The following CNTNAP2 variants were observed in gnomAD, a reference collection of about 807,000 sequenced individuals.
CNTNAP2 encodes the protein contactin associated protein 2.
A neutral mutation model predicts 155.2 loss-of-function variants in CNTNAP2; 98 were observed. The ratio of observed to expected loss-of-function variants is 0.63; its 90% CI spans 0.54 to 0.75. CNTNAP2 has a LOEUF of 0.75. Among genes scored for constraint, CNTNAP2 ranks in the 30% least tolerant of loss-of-function variants. CNTNAP2 has a pLI of 0.00. For synonymous variants in CNTNAP2, 651 were observed against 631.2 expected (o/e 1.03, Z -0.47); for missense variants, 1,727 against 1,688.1 (o/e 1.02, Z -0.40).
At chr7:148,200,254 A>G (rs561233947) in intron 18 of CNTNAP2, among the ~76,000 whole-genome samples, 4 of 152,392 alleles carry the variant, frequency 2.6e-5, no homozygotes, top group Non-Finnish European at 5.9e-5. Flanking sequence ...TAATTTTTAC[A>G]TAGATTACAT....
intron 1 of CNTNAP2, among the ~76,000 whole-genome samples, chr7:146,423,254 T>A (rs2129114625): frequency 6.6e-6 from 1 of 152,262 alleles, no homozygotes; most frequent in African/African-American, 2.4e-5. Context: ...TTTTAAGTAT[T>A]TAGTGTGTAT....
At chr7:148,016,269 G>A (rs537102805) in intron 15 of CNTNAP2, among the ~76,000 whole-genome samples, 24 of 152,314 alleles carry the variant, frequency 1.6e-4, no homozygotes, top group African/African-American at 4.1e-4. Context: ...TCTGCATGGC[G>A]GTAGAGCTGA....
intron 13 of CNTNAP2, among the ~76,000 whole-genome samples, chr7:147,709,581 A>C (rs1796372698): frequency 6.6e-6 from 1 of 152,176 alleles, no homozygotes; most frequent in Non-Finnish European, 1.5e-5. Context: ...AAGAAAGGAC[A>C]CCTCATCTAA....
At chr7:148,043,687 C>A (rs1802718027) in intron 15 of CNTNAP2, among the ~76,000 whole-genome samples, 1 of 152,238 alleles carries the variant, frequency 6.6e-6, no homozygotes, top group Non-Finnish European at 1.5e-5. Flanking sequence ...ACCTGACCTG[C>A]ACCAAATGTG....
At chr7:146,315,019 G>C (rs1239692661) in intron 1 of CNTNAP2, among the ~76,000 whole-genome samples, 1 of 152,190 alleles carries the variant, frequency 6.6e-6, no homozygotes, top group Non-Finnish European at 1.5e-5. Context: ...GCTGGGATTA[G>C]CACTGGAGAA....
chr7:147,317,945 C>T (rs1282882635), intron 9 of CNTNAP2, among the ~76,000 whole-genome samples: 4 of 151,930 alleles, frequency 2.6e-5, no homozygotes, highest in Admixed American at 2.6e-4. Context: ...TGTACCCACC[C>T]ATTCCTCACT....
intron 1 of CNTNAP2, among the ~76,000 whole-genome samples, chr7:146,690,353 A>G (rs1393435710): frequency 6.6e-6 from 1 of 152,130 alleles, no homozygotes; most frequent in Non-Finnish European, 1.5e-5. Flanking sequence ...CTGCACATGT[A>G]TAATTTGTAT....
intron 21 of CNTNAP2, among the ~76,000 whole-genome samples, chr7:148,343,532 T>C (rs150831236): frequency 2.0e-5 from 3 of 152,356 alleles, no homozygotes; most frequent in African/African-American, 2.4e-5. Context: ...AATTAATTAA[T>C]TGCAGAAATG....
chr7:147,751,396 T>TAAG, intron 13 of CNTNAP2, among the ~76,000 whole-genome samples: 1 of 144,586 alleles, frequency 6.9e-6, no homozygotes, highest in Middle Eastern at 3.5e-3. Flanking sequence ...TGAATTTAGT[T>TAAG]AAAAAAAAAA....
At chr7:148,147,437 A>G (rs1805206546) in intron 16 of CNTNAP2, 54 bp from the exon 17 acceptor site, 4 of 1,536,194 alleles carry the variant, frequency 2.6e-6, no homozygotes, top group South Asian at 2.2e-5. Context: ...ATTTACTGCT[A>G]TTTGGTATCT....
At chr7:147,857,510 G>A (rs549503571) in intron 13 of CNTNAP2, among the ~76,000 whole-genome samples, 1 of 152,118 alleles carries the variant, frequency 6.6e-6, no homozygotes, top group African/African-American at 2.4e-5. Flanking sequence ...CACTAATCAG[G>A]TTCATCATCA....
intron 14 of CNTNAP2, among the ~76,000 whole-genome samples, chr7:147,966,435 G>A (rs570280917): frequency 6.6e-6 from 1 of 152,220 alleles, no homozygotes; most frequent in East Asian, 1.9e-4. Flanking sequence ...GGAATGTACA[G>A]AAAGTAAATT....
chr7:147,474,748 TA>T, intron 10 of CNTNAP2, among the ~76,000 whole-genome samples: 1 of 152,148 alleles, frequency 6.6e-6, no homozygotes, highest in Non-Finnish European at 1.5e-5. Flanking sequence ...GGAAAATGCA[TA>T]ACCTGACCTA....
rs1193159936 is a variant in CNTNAP2 at position 146,811,343 on chromosome 7, T to A, written c.209-28368T>A. On this transcript the variant is annotated intron_variant, in intron 2 of 23. Coordinates refer to ENST00000361727, the MANE Select transcript of CNTNAP2 (RefSeq NM_014141.6). ...TTGTTATTGATCTCAAATAGCCTAT[T>A]TCTTTATGATTCAATCTTGGTATAT... Among the ~76,000 whole-genome samples, 2 of 152,188 alleles carry A rather than the reference T, an allele frequency of 1.3e-5. 1 individual carries two copies. The highest frequency in any genetic ancestry group is 2.9e-5 in the Non-Finnish European group (2 of 68,014).
At chr7:148,092,023 A>G (rs1803852283) in intron 15 of CNTNAP2, among the ~76,000 whole-genome samples, 1 of 152,186 alleles carries the variant, frequency 6.6e-6, no homozygotes, top group African/African-American at 2.4e-5. Flanking sequence ...ACGAGGAAGG[A>G]GGCAGACATG....
intron 1 of CNTNAP2, among the ~76,000 whole-genome samples, chr7:146,444,514 A>G (rs978955643): frequency 1.3e-5 from 2 of 152,156 alleles, no homozygotes; most frequent in African/African-American, 4.8e-5. Flanking sequence ...GCTGGACCAA[A>G]GTAATGGATG....
intron 11 of CNTNAP2, among the ~76,000 whole-genome samples, chr7:147,534,768 G>T (rs1172204735): frequency 7.9e-5 from 12 of 152,142 alleles, no homozygotes; most frequent in Admixed American, 7.9e-4. Context: ...GATGAAGCAG[G>T]ATTGTGATAA....
chr7:147,513,166 T>C (rs1799051652), intron 11 of CNTNAP2, among the ~76,000 whole-genome samples: 1 of 152,214 alleles, frequency 6.6e-6, no homozygotes, highest in Non-Finnish European at 1.5e-5. Context: ...TAATAAATGA[T>C]ACATGTATTT....
intron 10 of CNTNAP2, among the ~76,000 whole-genome samples, chr7:147,475,733 A>G (rs1021983005): frequency 1.3e-5 from 2 of 152,096 alleles, no homozygotes; most frequent in African/African-American, 4.8e-5. Flanking sequence ...AAAGTATTCC[A>G]CCATACCTTA....
Sources: gnomAD v4.1 joint callset for allele counts (sites outside exome capture counted in the v4.1 genomes callset) on GRCh38, gnomAD v4.1.1 for gene constraint, MANE v1.5 for transcripts, NCBI Gene and HGNC (gene_info 2026-07-23, HGNC 2026-07-21) for gene names.